The following ZNF345 variants were observed in gnomAD, a reference collection of about 807,000 sequenced individuals.
ZNF345 encodes zinc finger protein 345, also known as zinc finger protein HZF10.
For synonymous variants in ZNF345, 166 were observed against 187.9 expected (o/e 0.88, Z 0.95); for missense variants, 527 against 589.9 (o/e 0.89, Z 1.10).
intron 2 of ZNF345, among the ~76,000 whole-genome samples, chr19:36,872,031 T>A (rs1274824075): frequency 6.6e-6 from 1 of 152,152 alleles, no homozygotes; most frequent in Non-Finnish European, 1.5e-5. Context: ...CCTCCCAAAG[T>A]GCTGGGATTA....
chr19:36,877,357 G>T lies in ZNF345; in HGVS notation c.527G>T (p.Cys176Phe). The T allele has an allele frequency of 6.2e-7, 1 of 1,614,142 alleles. No individual in the cohort carries two copies. Among genetic ancestry groups the T allele is most frequent in the Non-Finnish European group, 8.5e-7 (1 of 1,180,018 alleles). The change falls in exon 3 of 3, where the codon TGT becomes TTT. Residue 176 changes from cysteine (C) to phenylalanine (F), a missense_variant. Coordinates refer to ENST00000420450, the MANE Select transcript of ZNF345 (RefSeq NM_001242472.2). ...CACAGTGGTGAGAAGCCTTATGAGT[G>T]TAAGGAATGTGGGAAGTCCTTTAGT... The part of the protein sequence containing the change: ...IIHSGEKPYE[C>F]KECGKSFSFE...
At chr19:36,882,304 T>C (rs2072973427), downstream of ZNF345, among the ~76,000 whole-genome samples, 1 of 152,088 alleles carries the variant, frequency 6.6e-6, no homozygotes, top group Non-Finnish European at 1.5e-5. Flanking sequence ...AGTCTCGCTC[T>C]GTCACCAGGC....
intron 2 of ZNF345, among the ~76,000 whole-genome samples, chr19:36,854,280 T>G (rs1406022987): frequency 6.6e-6 from 1 of 151,196 alleles, no homozygotes; most frequent in Non-Finnish European, 1.5e-5. Flanking sequence ...CTGCCTGTCC[T>G]TGTCCCCCTC....
intron 2 of ZNF345, among the ~76,000 whole-genome samples, chr19:36,857,940 T>C (rs1042393098): frequency 6.6e-6 from 1 of 151,562 alleles, no homozygotes; most frequent in Non-Finnish European, 1.5e-5. Flanking sequence ...AACACCTGGC[T>C]AATTTTTTTT....
chr19:36,877,581 A>G lies in ZNF345; in HGVS notation c.751A>G (p.Ile251Val). Residue 251 changes from isoleucine to valine, a missense_variant, in exon 3 of 3, where the codon ATT becomes GTT. Coordinates refer to ENST00000420450, the MANE Select transcript of ZNF345 (RefSeq NM_001242472.2). The stretch of plus-strand genomic sequence containing the variant: ...TTCGGCTCTTACTCGGCATCAGAGA[A>G]TTCATACCGGTGAGAAACCATATAT... The part of the protein sequence containing the change: ...SGSALTRHQR[I>V]HTGEKPYICN... 1.9e-6 allele frequency: 3 copies of G among 1,614,198 alleles called. No individual in the cohort carries two copies. The South Asian group carries it at 3.3e-5, about 18-fold the overall frequency.
At chr19:36,885,344 T>C (rs2072990747) in intron 3 of ZNF345, among the ~76,000 whole-genome samples, 1 of 151,810 alleles carries the variant, frequency 6.6e-6, no homozygotes, top group South Asian at 2.1e-4. Context: ...TTGGCCGTTT[T>C]AAATGCGTAT....
intron 3 of ZNF345, chr19:36,892,060 T>A: frequency 6.2e-7 from 1 of 1,613,946 alleles, no homozygotes; most frequent in Non-Finnish European, 8.5e-7. Flanking sequence ...TTTTCCACAT[T>A]CCTTACATTC....
chr19:36,893,061 A>G (rs1246263078), downstream of ZNF345: 1 of 398,948 alleles, frequency 2.5e-6, no homozygotes, highest in African/African-American at 2.1e-5. Context: ...ATGTTTTGCA[A>G]TTCGTAGATA....
At chr19:36,852,315 T>A (rs1381965733) in intron 2 of ZNF345, among the ~76,000 whole-genome samples, 2 of 151,952 alleles carry the variant, frequency 1.3e-5, no homozygotes, top group African/African-American at 4.8e-5. Flanking sequence ...TACCTAGTGA[T>A]TAAATTGCTG....
At chr19:36,884,000 C>T (rs1489479428), downstream of ZNF345, among the ~76,000 whole-genome samples, 1 of 152,120 alleles carries the variant, frequency 6.6e-6, no homozygotes, top group Non-Finnish European at 1.5e-5. Flanking sequence ...TCATGACTAC[C>T]CTTGATAATT....
rs180708969 is a variant in ZNF345, at chr19:36,878,351, G to A, written c.*54G>A. 5.1e-5 allele frequency: 76 copies of A among 1,485,482 alleles called. No individual in the cohort carries two copies. The African/African-American group carries it at 1.0e-3, about 20-fold the overall frequency. 92.0% of individuals were successfully genotyped at this position (1,485,482 alleles called of 1,614,324 possible). A position where few individuals can be genotyped will look rare whatever the true frequency, so the allele number is the denominator to read the frequency against. ...CATATGACTTAAGAAAATTCATAGT[G>A]GTGAAAATCTCTACAAATAGAACTA... On this transcript the variant is annotated 3_prime_UTR_variant, in exon 3 of 3. Transcript: ENST00000420450.
At chr19:36,870,402 T>C (rs575112204) in intron 2 of ZNF345, among the ~76,000 whole-genome samples, 2 of 152,332 alleles carry the variant, frequency 1.3e-5, no homozygotes, top group East Asian at 3.9e-4. Flanking sequence ...CTCTACTGAC[T>C]GCTTGTACCA....
At chr19:36,880,127 C>G (rs1185271116), downstream of ZNF345, among the ~76,000 whole-genome samples, 1 of 151,836 alleles carries the variant, frequency 6.6e-6, no homozygotes, top group Admixed American at 6.6e-5. Context: ...GGCCAGGAGC[C>G]TAGCCAACAT....
chr19:36,876,944 G>T lies in ZNF345; in HGVS notation c.114G>T (p.Met38Ile). Residue 38 changes from methionine to isoleucine, a missense_variant, in exon 3 of 3, where the codon ATG becomes ATT. Physicochemically the swap from Met to Ile is conservative, Grantham distance 10. Transcript: ENST00000420450. ...QGSQEGHFSE[M>I]IFTPEDMPTF... is the part of the protein sequence containing the mutation. The stretch of plus-strand genomic sequence containing the variant: ...CTCAGGAAGGACATTTCAGTGAAAT[G>T]ATATTTACTCCTGAAGACATGCCCA... 1.9e-6 allele frequency: 3 copies of T among 1,614,096 alleles called. No individual in the cohort carries two copies. The highest frequency in any genetic ancestry group is 1.1e-5 in the South Asian group (1 of 91,068).
At position 36,877,304 on chromosome 19, in the gene ZNF345, A is replaced by T; in HGVS notation, c.474A>T (p.Gly158=). ...AATGTGGGAAAGCCTTTAGTTTTGG[A>T]TCAGGCCTTATTCGACATCAGATCA... The part of the protein sequence containing the change: ...CKECGKAFSF[G]SGLIRHQIIH... Residue 158 remains glycine (G), a synonymous_variant, in exon 3 of 3, where the codon GGA becomes GGT. Coordinates refer to ENST00000420450, the MANE Select transcript of ZNF345 (RefSeq NM_001242472.2). 6.2e-7 allele frequency: 1 copy of T among 1,613,610 alleles called. No homozygotes were observed. Among genetic ancestry groups the T allele is most frequent in the East Asian group, 2.2e-5 (1 of 44,782 alleles).
chr19:36,882,689 A>G (rs2072975979), downstream of ZNF345, among the ~76,000 whole-genome samples: 1 of 152,184 alleles, frequency 6.6e-6, no homozygotes, highest in South Asian at 2.1e-4. Context: ...AAAACCTGTG[A>G]AAAAAATTTA....
chr19:36,865,014 G>A (rs1568354459), intron 2 of ZNF345, among the ~76,000 whole-genome samples: 1 of 152,178 alleles, frequency 6.6e-6, no homozygotes, highest in Non-Finnish European at 1.5e-5. Context: ...GCTACTGGGT[G>A]CTGCTGGCCA....
intron 3 of ZNF345, among the ~76,000 whole-genome samples, chr19:36,886,336 G>A (rs2072996212): frequency 6.6e-6 from 1 of 152,094 alleles, no homozygotes; most frequent in Non-Finnish European, 1.5e-5. Flanking sequence ...GGAGAAACTT[G>A]ACAAACACTC....
In ZNF345 at chr19:36,877,243, G is replaced by T. The variant is rs375817401; in HGVS notation, c.413G>T (p.Arg138Ile). The change falls in exon 3 of 3, where the codon AGA (arginine) becomes ATA (isoleucine). Residue 138 changes from arginine (R) to isoleucine (I), a missense_variant. Transcript: ENST00000420450. ...GGCTCAAACCTTACTCACCATCAGA[G>T]AATTCATACTGGTGAGAAACCCTAT... ...GSGSNLTHHQ[R>I]IHTGEKPYEC... 7 of 1,614,000 alleles carry T rather than the reference G, an allele frequency of 4.3e-6. No individual in the cohort carries two copies. The highest frequency in any genetic ancestry group is 1.1e-5 in the South Asian group (1 of 91,078).
Sources: gnomAD v4.1 joint callset for allele counts (sites outside exome capture counted in the v4.1 genomes callset) on GRCh38, gnomAD v4.1.1 for gene constraint, MANE v1.5 for transcripts, NCBI Gene and HGNC (gene_info 2026-07-23, HGNC 2026-07-21) for gene names.